AMPH: variants seen among roughly 807,000 people sequenced by gnomAD.
AMPH encodes amphiphysin (Stiff-Mann syndrome with breast cancer 128kD autoantigen).
Under a neutral mutation model 99.1 loss-of-function variants are expected in AMPH, and 49 were observed. The observed-to-expected ratio is 0.49, with a 90% CI of 0.39 to 0.63. The LOEUF is 0.63. Among genes scored for constraint, AMPH ranks in the 20% least tolerant of loss-of-function variants. The probability of loss-of-function intolerance (pLI) is 0.00; values close to 1 mark genes in which losing one functional copy is unlikely to be tolerated. For synonymous variants in AMPH, 314 were observed against 317.3 expected (o/e 0.99, Z 0.11); for missense variants, 759 against 863.4 (o/e 0.88, Z 1.52).
chr7:38,467,153 G>C (rs1460060917), intron 7 of AMPH, among the ~76,000 whole-genome samples: 2 of 152,176 alleles, frequency 1.3e-5, no homozygotes, highest in African/African-American at 4.8e-5. Context: ...GATCAGACCA[G>C]AGCCTGGGAG....
At chr7:38,547,839 T>C (rs1004348277) in intron 1 of AMPH, among the ~76,000 whole-genome samples, 6 of 152,156 alleles carry the variant, frequency 3.9e-5, no homozygotes, top group Non-Finnish European at 8.8e-5. Flanking sequence ...TTGCATTCTT[T>C]TGAGTTTCTG....
chr7:38,407,076 A>ATATATATGTGTG (rs1478238678), intron 17 of AMPH, among the ~76,000 whole-genome samples: 1 of 19,732 alleles, frequency 5.1e-5, no homozygotes, highest in African/African-American at 1.9e-4. Flanking sequence ...ATATATATAT[A>ATATATATGTGTG]TGTGTGTGTG....
chr7:38,445,074 C>CATGGTATATACATATATATAT (rs1245361594), intron 11 of AMPH, among the ~76,000 whole-genome samples: 4,577 of 142,270 alleles, frequency 0.032, 300 homozygotes, highest in East Asian at 0.26. Context: ...TATATATATA[C>CATGGTATATACATATATATAT]ACATATATAC....
intron 2 of AMPH, among the ~76,000 whole-genome samples, chr7:38,512,656 G>A (rs1789582310): frequency 6.6e-6 from 1 of 152,128 alleles, no homozygotes; most frequent in Non-Finnish European, 1.5e-5. Context: ...GCTTCCTCTA[G>A]GAGTGATTTC....
intron 1 of AMPH, among the ~76,000 whole-genome samples, chr7:38,627,368 C>T (rs1435349569): frequency 3.6e-5 from 3 of 83,842 alleles, no homozygotes; most frequent in African/African-American, 1.6e-4. Context: ...ATGGCGAAAC[C>T]CCGTCTCTAC....
At chr7:38,405,006 A>G (rs572406013) in intron 17 of AMPH, among the ~76,000 whole-genome samples, 1 of 152,326 alleles carries the variant, frequency 6.6e-6, no homozygotes, top group South Asian at 2.1e-4. Context: ...ACTAACAGTC[A>G]ACTTCTCAGC....
chr7:38,475,253 T>C (rs1788037782), intron 7 of AMPH, 78 bp downstream of exon 7: 1 of 932,390 alleles, frequency 1.1e-6, no homozygotes, highest in Non-Finnish European at 1.7e-6. Flanking sequence ...ACAGTAATAA[T>C]AAAGACAAGA....
intron 5 of AMPH, among the ~76,000 whole-genome samples, chr7:38,483,593 C>A (rs75339448): frequency 5.9e-5 from 9 of 152,176 alleles, no homozygotes; most frequent in Admixed American, 2.6e-4. Context: ...GTGCTAAGAA[C>A]AAAGAAAACT....
intron 11 of AMPH, among the ~76,000 whole-genome samples, chr7:38,457,141 A>G (rs1200328029): frequency 1.3e-5 from 2 of 152,322 alleles, no homozygotes; most frequent in East Asian, 3.9e-4. Flanking sequence ...GGAAGAAGCA[A>G]CCAGATTGGA....
chr7:38,531,958 G>A (rs1790417157), intron 2 of AMPH, among the ~76,000 whole-genome samples: 1 of 152,166 alleles, frequency 6.6e-6, no homozygotes, highest in African/African-American at 2.4e-5. Context: ...CCTTGCAGAT[G>A]TAACCATAAT....
intron 5 of AMPH, among the ~76,000 whole-genome samples, chr7:38,487,620 C>T (rs1157638644): frequency 1.3e-5 from 2 of 152,108 alleles, no homozygotes; most frequent in Non-Finnish European, 2.9e-5. Flanking sequence ...TGGGCAAAGA[C>T]TGCACGACTA....
intron 11 of AMPH, among the ~76,000 whole-genome samples, chr7:38,444,954 A>G (rs1474822631): frequency 6.7e-6 from 1 of 149,600 alleles, no homozygotes; most frequent in Non-Finnish European, 1.5e-5. Flanking sequence ...AGATCAATGG[A>G]TAATCACATG....
At chr7:38,461,109 G>A (rs553077509) in intron 11 of AMPH, among the ~76,000 whole-genome samples, 174 bp downstream of exon 11, 44 of 151,854 alleles carry the variant, frequency 2.9e-4, no homozygotes, top group Admixed American at 1.1e-3. Context: ...TTCAAATACC[G>A]TACATCTCCC....
At chr7:38,394,871 T>TA (rs1376748943) in intron 17 of AMPH, among the ~76,000 whole-genome samples, 3 of 152,172 alleles carry the variant, frequency 2.0e-5, no homozygotes, top group African/African-American at 7.2e-5. Context: ...ACCCTCTTTT[T>TA]AAAAAAATTA....
intron 1 of AMPH, among the ~76,000 whole-genome samples, chr7:38,627,403 T>TAAAAAAAAAAAAAA (rs1794294120): frequency 1.5e-5 from 1 of 68,458 alleles, no homozygotes; most frequent in African/African-American, 6.0e-5. Flanking sequence ...AAAAAAAAAT[T>TAAAAAAAAAAAAAA]AGCCGGACGT....
chr7:38,459,338 G>GA (rs1438532823), intron 11 of AMPH, among the ~76,000 whole-genome samples: 4 of 151,948 alleles, frequency 2.6e-5, no homozygotes, highest in African/African-American at 7.2e-5. Flanking sequence ...AGCAGAATTA[G>GA]AAAAAATCAT....
At chr7:38,493,527 C>T (rs1221257660) in intron 4 of AMPH, among the ~76,000 whole-genome samples, 2 of 152,090 alleles carry the variant, frequency 1.3e-5, no homozygotes, top group East Asian at 3.9e-4. Flanking sequence ...CGTCACACAG[C>T]GCTACTCAGT....
At chr7:38,418,152 TC>T in intron 16 of AMPH, 1 of 444,802 alleles carries the variant, frequency 2.2e-6, no homozygotes, top group Non-Finnish European at 3.8e-6. Context: ...TTATTAAGCT[TC>T]TGCTTTACCA....
intron 11 of AMPH, among the ~76,000 whole-genome samples, chr7:38,438,166 T>A (rs6952250): frequency 0.13 from 19,747 of 152,262 alleles, 1,535 homozygotes; most frequent in East Asian, 0.28. Flanking sequence ...TTCGAAGAAC[T>A]TTACACATAT....
Sources: gnomAD v4.1 joint callset for allele counts (sites outside exome capture counted in the v4.1 genomes callset) on GRCh38, gnomAD v4.1.1 for gene constraint, MANE v1.5 for transcripts, NCBI Gene and HGNC (gene_info 2026-07-23, HGNC 2026-07-21) for gene names.